The following KIRREL3 variants were observed in gnomAD, a reference collection of about 807,000 sequenced individuals.
The protein encoded by KIRREL3 is kin of IRRE-like protein 3.
Under a neutral mutation model 89.7 loss-of-function variants are expected in KIRREL3, and 36 were observed. The ratio of observed to expected loss-of-function variants is 0.40; its 90% CI spans 0.31 to 0.53. The LOEUF is 0.53. Ranked by LOEUF, KIRREL3 falls within the 20% of genes least tolerant of loss-of-function variation. The pLI, the probability that KIRREL3 is intolerant of heterozygous loss-of-function variation, is 0.49. For synonymous variants in KIRREL3, 445 were observed against 441.4 expected (o/e 1.01, Z -0.10); for missense variants, 864 against 1,056.6 (o/e 0.82, Z 2.53).
chr11:126,983,614 G>T lies in KIRREL3; in HGVS notation c.55+16841C>A, dbSNP rs1214358652. On this transcript the variant is annotated intron_variant, in intron 1 of 16. Transcript: ENST00000525144. The surrounding 1 kb of genome is among the most constrained non-coding windows in gnomAD (Gnocchi z 4.9). Reference sequence around the variant, plus strand: ...GAGGTTGGAGTGAAGGGAGGAAGGGGCCACGAGCCAAGGAGTGTAGGCACT... The same window carrying T: ...GAGGTTGGAGTGAAGGGAGGAAGGGTCCACGAGCCAAGGAGTGTAGGCACT... 6.6e-6 allele frequency among the ~76,000 whole-genome samples: 1 copy of T among 152,104 alleles called. No homozygotes were observed. Among genetic ancestry groups the T allele is most frequent in the African/African-American group, 2.4e-5 (1 of 41,410 alleles).
chr11:126,820,400 C>T (rs1943169821), intron 1 of KIRREL3, among the ~76,000 whole-genome samples: 2 of 152,080 alleles, frequency 1.3e-5, no homozygotes, highest in African/African-American at 4.8e-5. Context: ...ATCTGTGCAG[C>T]TAGAGCTAAT....
In KIRREL3 at chr11:126,491,078, G is replaced by T. The variant is rs979806873; in HGVS notation, c.434-17612C>A. 8.5e-5 allele frequency among the ~76,000 whole-genome samples: 13 copies of T among 152,208 alleles called. No individual in the cohort carries two copies. The highest frequency in any genetic ancestry group is 1.3e-4 in the Non-Finnish European group (9 of 68,038). ...AAAGGGGTCCTATGTGAACAGAAGG[G>T]AGGGCTTCAGATAATCCTGAAACCG... is the stretch of plus-strand genomic sequence containing the variant. On this transcript the variant is annotated intron_variant, in intron 4 of 16. Transcript: ENST00000525144. This position sits in a 1 kb window ranked among gnomAD's most constrained non-coding sequence, Gnocchi z 5.5.
At chr11:126,741,693 C>A (rs1419235438) in intron 1 of KIRREL3, among the ~76,000 whole-genome samples, 1 of 152,168 alleles carries the variant, frequency 6.6e-6, no homozygotes, top group African/African-American at 2.4e-5. Flanking sequence ...GGAGAGATCC[C>A]TAAGTGGAGA....
rs186292178 is a variant in KIRREL3 at position 126,755,433 on chromosome 11, T to G, written c.56-192521A>C. On this transcript the variant is annotated intron_variant, in intron 1 of 16. Coordinates refer to ENST00000525144, the MANE Select transcript of KIRREL3 (RefSeq NM_032531.4). The surrounding 1 kb of genome is among the most constrained non-coding windows in gnomAD (Gnocchi z 4.3). The stretch of plus-strand genomic sequence containing the variant: ...ATGAAGAAATTCTAATTTTCAGCAG[T>G]CATGGGTGGAAAATCAATACTACTC... 2.0e-4 allele frequency among the ~76,000 whole-genome samples: 30 copies of G among 152,172 alleles called. No homozygotes were observed. The East Asian group carries it at 2.3e-3, about 12-fold the overall frequency.
Position 126,729,433 on chromosome 11 carries a change from A to T in KIRREL3, c.56-166521T>A, listed in dbSNP as rs1478204528. 6.6e-6 allele frequency among the ~76,000 whole-genome samples: 1 copy of T among 152,158 alleles called. No homozygotes were observed. Among genetic ancestry groups the T allele is most frequent in the Non-Finnish European group, 1.5e-5 (1 of 68,018 alleles). ...TATTGCAGGAGAGACAGGAAATTGA[A>T]ATTGGCGCCATTCTTCTAGATTGCC... On this transcript the variant is annotated intron_variant, in intron 1 of 16. Coordinates refer to ENST00000525144, the MANE Select transcript of KIRREL3 (RefSeq NM_032531.4). This position sits in a 1 kb window ranked among gnomAD's most constrained non-coding sequence, Gnocchi z 4.5.
chr11:126,973,198 G>C (rs946709342), intron 1 of KIRREL3, among the ~76,000 whole-genome samples: 11 of 143,232 alleles, frequency 7.7e-5, no homozygotes, highest in African/African-American at 2.3e-4. Context: ...GAATGGCCCT[G>C]GCATACAATT....
At chr11:126,804,723 G>A (rs1442797756) in intron 1 of KIRREL3, among the ~76,000 whole-genome samples, 1 of 152,164 alleles carries the variant, frequency 6.6e-6, no homozygotes, top group Non-Finnish European at 1.5e-5. Context: ...ATTCATGAGT[G>A]TTCGTAGGCT....
At chr11:126,589,443 G>T (rs1407095630) in intron 1 of KIRREL3, among the ~76,000 whole-genome samples, 1 of 152,208 alleles carries the variant, frequency 6.6e-6, no homozygotes, top group African/African-American at 2.4e-5. Flanking sequence ...CCACCAGCAG[G>T]CAGGGACTCA....
At position 126,570,662 on chromosome 11, in the gene KIRREL3, C is replaced by T. The variant is rs1042567283; in HGVS notation, c.56-7750G>A. Among the ~76,000 whole-genome samples, 2 of 152,190 alleles carry T rather than the reference C, an allele frequency of 1.3e-5. No individual in the cohort carries two copies. The highest frequency in any genetic ancestry group is 4.8e-5 in the African/African-American group (2 of 41,444). ...CCAGCCCTGCCTTCTCCAGCCTGCT[C>T]CAGCCATGCCATTATTTGGCTGGCA... On this transcript the variant is annotated intron_variant, in intron 1 of 16. Transcript: ENST00000525144. This position sits in a 1 kb window ranked among gnomAD's most constrained non-coding sequence, Gnocchi z 6.1.
chr11:126,768,179 A>ATCCG lies in KIRREL3; in HGVS notation c.56-205268_56-205267insCGGA, dbSNP rs1401577153. 1.8e-5 allele frequency among the ~76,000 whole-genome samples: 1 copy of ATCCG among 55,356 alleles called. No individual in the cohort carries two copies. The highest frequency in any genetic ancestry group is 6.8e-5 in the African/African-American group (1 of 14,670). The allele number at this position is 55,356 out of a possible 152,430, so 36.3% of individuals were successfully genotyped here. ...ATCCATCCATCCATCCAATCCATCC[A>ATCCG]TCCATCCATCCATCCATCCATCCAT... On this transcript the variant is annotated intron_variant, in intron 1 of 16. Transcript: ENST00000525144. This position sits in a 1 kb window ranked among gnomAD's most constrained non-coding sequence, Gnocchi z 4.5.
At position 126,839,141 on chromosome 11, in the gene KIRREL3, G is replaced by A. The variant is rs370097141; in HGVS notation, c.55+161314C>T. ...CAGCGTCCATGGAGAGCGCCTTTGT[G>A]CCTGTATTTCTAGAAATTTCCATAT... On this transcript the variant is annotated intron_variant, in intron 1 of 16. Transcript: ENST00000525144. Among the ~76,000 whole-genome samples the A allele has an allele frequency of 2.6e-5, 4 of 152,284 alleles. No homozygotes were observed. The East Asian group carries it at 7.7e-4, about 29-fold the overall frequency.
chr11:126,727,801 C>T (rs1161134093), intron 1 of KIRREL3, among the ~76,000 whole-genome samples: 1 of 152,234 alleles, frequency 6.6e-6, no homozygotes, highest in African/African-American at 2.4e-5. Context: ...GAAGGACTTT[C>T]AGTGGGGGAA....
intron 1 of KIRREL3, among the ~76,000 whole-genome samples, chr11:126,979,654 C>T (rs1174481839): frequency 6.6e-6 from 1 of 152,152 alleles, no homozygotes; most frequent in African/African-American, 2.4e-5. Flanking sequence ...AATGTCTTAA[C>T]CTCACTAAGA....
Position 126,454,482 on chromosome 11 carries a change from G to A in KIRREL3, c.848+1867C>T, listed in dbSNP as rs550113769. On this transcript the variant is annotated intron_variant, in intron 7 of 16. Coordinates refer to ENST00000525144, the MANE Select transcript of KIRREL3 (RefSeq NM_032531.4). This position sits in a 1 kb window ranked among gnomAD's most constrained non-coding sequence, Gnocchi z 5.8. ...GTGAGGGTGAATAGGGGTGCTTGCCGGGTGGTCTGTGGGTGTGAAGGGCTG... is the reference window on the plus strand; with the variant it reads ...GTGAGGGTGAATAGGGGTGCTTGCCAGGTGGTCTGTGGGTGTGAAGGGCTG... Among the ~76,000 whole-genome samples, 4 of 152,202 alleles carry A rather than the reference G, an allele frequency of 2.6e-5. No individual in the cohort carries two copies. The East Asian group carries it at 7.7e-4, about 29-fold the overall frequency.
intron 4 of KIRREL3, among the ~76,000 whole-genome samples, chr11:126,493,341 G>A (rs1483954468): frequency 2.0e-5 from 3 of 152,078 alleles, no homozygotes; most frequent in Non-Finnish European, 4.4e-5. Context: ...CTAACACGGT[G>A]AAACCCCATC....
rs1184234881 is a variant in KIRREL3, at chr11:126,459,551, G to T, written c.743-3097C>A. On this transcript the variant is annotated intron_variant, in intron 6 of 16. Coordinates refer to ENST00000525144, the MANE Select transcript of KIRREL3 (RefSeq NM_032531.4). This position sits in a 1 kb window ranked among gnomAD's most constrained non-coding sequence, Gnocchi z 4.8. ...TTTCAGGAGTCTGCCAAGCTCCAGA[G>T]GTATAAATAGTTTATGTCATATCCA... Among the ~76,000 whole-genome samples the T allele has an allele frequency of 6.6e-6, 1 of 152,116 alleles. No homozygotes were observed. The highest frequency in any genetic ancestry group is 1.9e-4 in the East Asian group (1 of 5,184).
intron 2 of KIRREL3, among the ~76,000 whole-genome samples, chr11:126,540,054 C>T (rs1027170249): frequency 1.1e-4 from 16 of 152,192 alleles, no homozygotes; most frequent in African/African-American, 3.9e-4. Context: ...ACCTAATCTT[C>T]TCCCTTTAGA....
At chr11:126,667,965 A>T (rs1322209104) in intron 1 of KIRREL3, among the ~76,000 whole-genome samples, 1 of 152,152 alleles carries the variant, frequency 6.6e-6, no homozygotes, top group Non-Finnish European at 1.5e-5. Flanking sequence ...TCTCTGGGGC[A>T]AGGGGCAAGG....
chr11:126,961,773 G>A (rs1271533371), intron 1 of KIRREL3, among the ~76,000 whole-genome samples: 1 of 152,250 alleles, frequency 6.6e-6, no homozygotes, highest in African/African-American at 2.4e-5. Flanking sequence ...CATAGCTAGA[G>A]AATAGAAGTC....
Sources: gnomAD v4.1 joint callset for allele counts (sites outside exome capture counted in the v4.1 genomes callset) on GRCh38, gnomAD v4.1.1 for gene constraint, Gnocchi (gnomAD v3.1) non-coding constraint, MANE v1.5 for transcripts, NCBI Gene and HGNC (gene_info 2026-07-23, HGNC 2026-07-21) for gene names.